RPSA2: variants seen among roughly 807,000 people sequenced by gnomAD.
RPSA2 encodes ribosomal protein SA 2, also known as small ribosomal subunit protein uS2B.
At chr19:23,812,937 A>G in the RPSA2 span, among the ~76,000 whole-genome samples, 2 of 152,226 alleles carry the variant, frequency 1.3e-5, no homozygotes, top group Non-Finnish European at 2.9e-5. Flanking sequence ...TTAAATATAC[A>G]TGTCACAGCC....
At chr19:23,767,646 G>C in the RPSA2 span, among the ~76,000 whole-genome samples, 90 of 151,840 alleles carry the variant, frequency 5.9e-4, no homozygotes, top group Non-Finnish European at 1.2e-3. Flanking sequence ...AGAATATTTT[G>C]AGTGATATTA....
chr19:23,778,627 A>G, the RPSA2 span, among the ~76,000 whole-genome samples: 1 of 151,604 alleles, frequency 6.6e-6, no homozygotes. Context: ...CACAGAAAAG[A>G]GAGTGACTTA....
At chr19:23,859,557 G>A in the RPSA2 span, among the ~76,000 whole-genome samples, 2 of 152,138 alleles carry the variant, frequency 1.3e-5, no homozygotes, top group South Asian at 2.1e-4. Context: ...AAACTGGAAG[G>A]TGGAGGTTGC....
At chr19:23,833,655 TAAA>T in the RPSA2 span, among the ~76,000 whole-genome samples, 1 of 152,022 alleles carries the variant, frequency 6.6e-6, no homozygotes, top group African/African-American at 2.4e-5. Flanking sequence ...AAATATAAAG[TAAA>T]AAAGCCATTA....
chr19:23,771,906 C>T, the RPSA2 span, among the ~76,000 whole-genome samples: 1 of 151,904 alleles, frequency 6.6e-6, no homozygotes, highest in Non-Finnish European at 1.5e-5. Flanking sequence ...CATTCATCAC[C>T]TAGGTGATGT....
At chr19:23,833,615 A>G in the RPSA2 span, among the ~76,000 whole-genome samples, 1 of 152,136 alleles carries the variant, frequency 6.6e-6, no homozygotes, top group African/African-American at 2.4e-5. Context: ...GAAAGCATTT[A>G]TAAGCATTTA....
chr19:23,840,048 G>A, the RPSA2 span, among the ~76,000 whole-genome samples: 1 of 152,170 alleles, frequency 6.6e-6, no homozygotes, highest in Admixed American at 6.5e-5. Flanking sequence ...GAAGATAAAG[G>A]TGGTGATTTT....
At chr19:23,852,957 G>A in the RPSA2 span, among the ~76,000 whole-genome samples, 25 of 152,232 alleles carry the variant, frequency 1.6e-4, no homozygotes, top group African/African-American at 2.4e-4. Flanking sequence ...GTAACTCAGC[G>A]GCTCAAAAAT....
At chr19:23,814,844 GTGTT>G in the RPSA2 span, among the ~76,000 whole-genome samples, 1 of 151,972 alleles carries the variant, frequency 6.6e-6, no homozygotes, top group Non-Finnish European at 1.5e-5. Flanking sequence ...TGTTGTTGTT[GTGTT>G]TGTTGTTTTT....
the RPSA2 span, among the ~76,000 whole-genome samples, chr19:23,864,218 C>T: frequency 2.6e-5 from 4 of 152,242 alleles, no homozygotes; most frequent in Admixed American, 2.0e-4. Context: ...CCTTAAGACA[C>T]AACGCATGGC....
At chr19:23,827,814 C>G in the RPSA2 span, 1 of 1,572,744 alleles carries the variant, frequency 6.4e-7, no homozygotes, top group Non-Finnish European at 8.6e-7. Flanking sequence ...CAGGCTGCTG[C>G]TGAGAAGGCA....
At chr19:23,786,838 A>G in the RPSA2 span, among the ~76,000 whole-genome samples, 3 of 151,854 alleles carry the variant, frequency 2.0e-5, no homozygotes, top group Non-Finnish European at 4.4e-5. Context: ...AGAGTCTCCT[A>G]CCTGTGCCCT....
chr19:23,851,153 C>T, the RPSA2 span, among the ~76,000 whole-genome samples: 1 of 152,144 alleles, frequency 6.6e-6, no homozygotes, highest in Non-Finnish European at 1.5e-5. Context: ...GAAACATGTA[C>T]ATATGAAAAT....
the RPSA2 span, among the ~76,000 whole-genome samples, chr19:23,797,590 A>G: frequency 2.0e-5 from 3 of 152,192 alleles, no homozygotes; most frequent in African/African-American, 7.2e-5. Flanking sequence ...GTAGATGTCT[A>G]TTAGGACTAT....
chr19:23,767,763 T>TTCAG, the RPSA2 span, among the ~76,000 whole-genome samples: 1 of 1,126 alleles, frequency 8.9e-4, no homozygotes, highest in Non-Finnish European at 0.012. Flanking sequence ...CAATTTCAGT[T>TTCAG]TTTTTTTTTT....
the RPSA2 span, among the ~76,000 whole-genome samples, chr19:23,795,407 T>C: frequency 3.3e-5 from 5 of 152,284 alleles, no homozygotes; most frequent in African/African-American, 1.2e-4. Context: ...ATTAGCTGTA[T>C]TCCTAGATAT....
At chr19:23,778,995 C>CTTTTTTTGTTTTTTTTT in the RPSA2 span, among the ~76,000 whole-genome samples, 1 of 80,696 alleles carries the variant, frequency 1.2e-5, no homozygotes. Flanking sequence ...TTTTGTGACA[C>CTTTTTTTGTTTTTTTTT]TTTTTTTTTT....
the RPSA2 span, among the ~76,000 whole-genome samples, chr19:23,835,281 A>T: frequency 6.6e-6 from 1 of 152,168 alleles, no homozygotes; most frequent in Non-Finnish European, 1.5e-5. Context: ...TGATTTACAT[A>T]GAGTTAAATA....
chr19:23,842,268 A>T, the RPSA2 span, among the ~76,000 whole-genome samples: 1 of 152,354 alleles, frequency 6.6e-6, no homozygotes, highest in African/African-American at 2.4e-5. Context: ...TAAATATGGC[A>T]TTCAGAACTG....
Sources: gnomAD v4.1 joint callset for allele counts (sites outside exome capture counted in the v4.1 genomes callset) on GRCh38, gnomAD v4.1.1 for gene constraint, MANE v1.5 for transcripts, NCBI Gene and HGNC (gene_info 2026-07-23, HGNC 2026-07-21) for gene names.